MNAT1: variants seen among roughly 807,000 people sequenced by gnomAD.
The protein encoded by MNAT1 is MNAT1 component of CDK activating kinase, also known as CDK-activating kinase assembly factor MAT1.
A neutral mutation model predicts 42.0 loss-of-function variants in MNAT1; 43 were observed. The ratio of observed to expected loss-of-function variants is 1.02; its 90% CI spans 0.80 to 1.32. The LOEUF is 1.32. MNAT1 is among the 40% of genes most tolerant of loss of function. MNAT1 has a pLI of 0.00. For missense variants in MNAT1, 306 were observed against 350.4 expected, an observed-to-expected ratio of 0.87 and a Z score of 1.01; for synonymous variants, 118 against 120.0, an observed-to-expected ratio of 0.98 and a Z score of 0.11.
In MNAT1 at chr14:60,943,053, CT is replaced by C. The variant is rs377454616; in HGVS notation, c.810-25158del. The stretch of plus-strand genomic sequence containing the variant: ...GTGTGTGTGTGTGTGTGTGTGTGCG[CT>C]TTTTTTTTTTTTTTTTTGAGACGGA... On this transcript the variant is annotated intron_variant, in intron 7 of 7. Coordinates refer to ENST00000261245, the MANE Select transcript of MNAT1 (RefSeq NM_002431.4). 4.4e-3 allele frequency among the ~76,000 whole-genome samples: 234 copies of C among 53,114 alleles called. 4 individuals carry two copies. Among genetic ancestry groups the C allele is most frequent in the African/African-American group, 0.015 (204 of 13,466 alleles). The allele number at this position is 53,114 out of a possible 152,430, so 34.8% of individuals were successfully genotyped here.
intron 1 of MNAT1, among the ~76,000 whole-genome samples, chr14:60,778,652 T>A (rs2031337093): frequency 6.6e-6 from 1 of 152,186 alleles, no homozygotes; most frequent in Non-Finnish European, 1.5e-5. Context: ...GAAAGATGTG[T>A]AGCAGTGGGC....
At chr14:60,767,529 C>T (rs775964960) in intron 1 of MNAT1, among the ~76,000 whole-genome samples, 4 of 151,922 alleles carry the variant, frequency 2.6e-5, no homozygotes, top group South Asian at 2.1e-4. Flanking sequence ...ATCTGTGAGA[C>T]CCTTCCGGGT....
At chr14:60,749,436 T>G (rs959891255) in intron 1 of MNAT1, among the ~76,000 whole-genome samples, 1 of 152,222 alleles carries the variant, frequency 6.6e-6, no homozygotes, top group African/African-American at 2.4e-5. Flanking sequence ...AAAAATATTA[T>G]GTCTAACAAA....
At chr14:60,905,403 A>AT (rs1210036235) in intron 7 of MNAT1, among the ~76,000 whole-genome samples, 9 of 152,230 alleles carry the variant, frequency 5.9e-5, no homozygotes, top group South Asian at 2.1e-4. Flanking sequence ...GATATAGCAG[A>AT]TAAACCAGGG....
At chr14:60,868,681 G>A (rs1002688784) in intron 6 of MNAT1, among the ~76,000 whole-genome samples, 9 of 152,138 alleles carry the variant, frequency 5.9e-5, no homozygotes, top group Non-Finnish European at 4.4e-5. Flanking sequence ...TTTGTTGTAT[G>A]AATGGATGAT....
At chr14:60,794,795 ACTTTT>A (rs1045062382) in intron 1 of MNAT1, among the ~76,000 whole-genome samples, 14 of 151,310 alleles carry the variant, frequency 9.3e-5, no homozygotes, top group Non-Finnish European at 2.1e-4. Flanking sequence ...TTTTCTTATT[ACTTTT>A]CTTATTTAGC....
chr14:60,949,310 A>T (rs1272051779), intron 7 of MNAT1, among the ~76,000 whole-genome samples: 2 of 152,054 alleles, frequency 1.3e-5, no homozygotes, highest in East Asian at 3.8e-4. Context: ...GAACCTAAGG[A>T]TGACAGGTGG....
At chr14:60,908,415 C>T (rs1003738185) in intron 7 of MNAT1, among the ~76,000 whole-genome samples, 7 of 152,146 alleles carry the variant, frequency 4.6e-5, no homozygotes, top group African/African-American at 1.7e-4. Flanking sequence ...TGGTGTGCTG[C>T]ACCCATTAAC....
chr14:60,794,718 CTG>C (rs896540751), intron 1 of MNAT1, among the ~76,000 whole-genome samples: 2 of 136,832 alleles, frequency 1.5e-5, no homozygotes, highest in African/African-American at 5.5e-5. Flanking sequence ...ATATATATGT[CTG>C]TGTGTGTATG....
Position 60,739,500 on chromosome 14 carries a change from C to CT in MNAT1, c.89+4550dup, listed in dbSNP as rs761781553. Among the ~76,000 whole-genome samples, 7 of 151,454 alleles carry CT rather than the reference C, an allele frequency of 4.6e-5. No individual in the cohort carries two copies. In the East Asian group the frequency reaches 1.2e-3, roughly 25 times the overall value. On this transcript the variant is annotated intron_variant, in intron 1 of 7. Coordinates refer to ENST00000261245, the MANE Select transcript of MNAT1 (RefSeq NM_002431.4). ...AACTATAGGGTTATGGAAAAATTAA[C>CT]TAGGAGTTTTACTTATGGGAGAAAA... is the stretch of plus-strand genomic sequence containing the variant.
chr14:60,739,101 T>C (rs1386233627), intron 1 of MNAT1, among the ~76,000 whole-genome samples: 1 of 152,094 alleles, frequency 6.6e-6, no homozygotes, highest in East Asian at 1.9e-4. Flanking sequence ...TTCCTCCCCA[T>C]GGACTCTTCC....
intron 7 of MNAT1, among the ~76,000 whole-genome samples, chr14:60,918,469 A>G (rs1363739526): frequency 2.0e-5 from 3 of 151,180 alleles, no homozygotes; most frequent in Non-Finnish European, 4.4e-5. Context: ...CGGCCTCCCA[A>G]AGTGGTGGGA....
chr14:60,813,574 G>A (rs1327763166), intron 5 of MNAT1, among the ~76,000 whole-genome samples: 1 of 152,162 alleles, frequency 6.6e-6, no homozygotes, highest in Non-Finnish European at 1.5e-5. Flanking sequence ...TAGTAAAAGA[G>A]CCCACTCAGT....
intron 6 of MNAT1, among the ~76,000 whole-genome samples, chr14:60,868,361 A>G (rs999887888): frequency 3.3e-5 from 5 of 152,164 alleles, no homozygotes; most frequent in African/African-American, 2.4e-5. Flanking sequence ...CTGCTTGGAG[A>G]TACTTTCTTT....
intron 1 of MNAT1, among the ~76,000 whole-genome samples, chr14:60,770,717 T>A (rs886688208): frequency 6.6e-6 from 1 of 152,220 alleles, no homozygotes; most frequent in African/African-American, 2.4e-5. Flanking sequence ...TTCATACTGC[T>A]TTCCAAAATG....
chr14:60,923,284 A>C (rs1254263720), intron 7 of MNAT1, among the ~76,000 whole-genome samples: 2 of 152,210 alleles, frequency 1.3e-5, no homozygotes, highest in South Asian at 4.1e-4. Flanking sequence ...GTGAGACCCC[A>C]GAATTTCATT....
chr14:60,925,581 A>G (rs566169581), intron 7 of MNAT1, among the ~76,000 whole-genome samples: 12 of 152,306 alleles, frequency 7.9e-5, no homozygotes, highest in African/African-American at 2.9e-4. Flanking sequence ...GCTTGTTTTT[A>G]TAACTTAGCA....
rs562546545 is a variant in MNAT1, at chr14:60,788,082, A to ATCC, written c.90-8135_90-8134insTCC. 3.9e-4 allele frequency among the ~76,000 whole-genome samples: 59 copies of ATCC among 152,314 alleles called. No homozygotes were observed. The South Asian group carries it at 0.012, about 32-fold the overall frequency. ...AGGAATCATTGTCTGTAGCAGCTAC[A>ATCC]GCATTATGACATGTATTACTTAAAT... On this transcript the variant is annotated intron_variant, in intron 1 of 7. Transcript: ENST00000261245.
At chr14:60,967,155 G>A (rs1231409935) in intron 7 of MNAT1, among the ~76,000 whole-genome samples, 1 of 151,922 alleles carries the variant, frequency 6.6e-6, no homozygotes, top group Admixed American at 6.5e-5. Context: ...TTTTTCTACT[G>A]GACTCTTATA....
Sources: allele counts gnomAD v4.1 joint callset (sites outside exome capture counted in the v4.1 genomes callset), GRCh38; gene constraint gnomAD v4.1.1; transcripts MANE v1.5; gene names NCBI Gene and HGNC (gene_info 2026-07-23, HGNC 2026-07-21).